The following TBC1D30 variants were observed in gnomAD, a reference collection of about 807,000 sequenced individuals.
TBC1D30 encodes the protein TBC1 domain family member 30, also known as TBC1 domain family, member 30.
TBC1D30 carries 31 observed loss-of-function variants against 63.2 expected under a neutral mutation model. The observed-to-expected ratio is 0.49, with a 90% CI of 0.37 to 0.66. The LOEUF is 0.66. Ranked by LOEUF, TBC1D30 falls within the 30% of genes least tolerant of loss-of-function variation. The pLI is 0.00. For synonymous variants in TBC1D30, 307 were observed against 361.5 expected (o/e 0.85, Z 1.71); for missense variants, 810 against 953.6 (o/e 0.85, Z 1.98).
intron 1 of TBC1D30, among the ~76,000 whole-genome samples, chr12:64,764,907 T>C (rs1337354392): frequency 1.3e-5 from 2 of 152,048 alleles, no homozygotes; most frequent in African/African-American, 4.8e-5. Flanking sequence ...CTCAGAGGGG[T>C]TGGGATGTTT....
At chr12:64,805,476 A>T (rs1267216346) in intron 2 of TBC1D30, among the ~76,000 whole-genome samples, 2 of 152,126 alleles carry the variant, frequency 1.3e-5, no homozygotes, top group Non-Finnish European at 2.9e-5. Flanking sequence ...GTTTTTCTGC[A>T]CATCATCCTG....
intron 6 of TBC1D30, among the ~76,000 whole-genome samples, chr12:64,838,017 ATATC>A (rs1875519443): frequency 6.6e-6 from 1 of 152,238 alleles, no homozygotes; most frequent in South Asian, 2.1e-4. Context: ...ATCAGTGTAA[ATATC>A]TAAATATTTA....
rs1454228363 is a variant in TBC1D30 at position 64,876,876 on chromosome 12, C to CACT, written c.*1090_*1092dup. 2.2e-6 allele frequency: 1 copy of CACT among 456,058 alleles called. No homozygotes were observed. Among genetic ancestry groups the CACT allele is most frequent in the Non-Finnish European group, 4.4e-6 (1 of 226,804 alleles). 28.3% of individuals were successfully genotyped at this position (456,058 alleles called of 1,614,324 possible). ...GGTCAGGGATAGCACCTCTTGTCTC[C>CACT]ACTATGCAGATGGGAACTCTGAGCC... On this transcript the variant is annotated 3_prime_UTR_variant, in exon 12 of 12. Coordinates refer to ENST00000539867, the MANE Select transcript of TBC1D30 (RefSeq NM_015279.2).
intron 7 of TBC1D30, 100 bp downstream of exon 7, chr12:64,838,951 G>A: frequency 8.5e-7 from 1 of 1,174,120 alleles, no homozygotes; most frequent in Middle Eastern, 2.0e-4. Flanking sequence ...AAATGAGAAA[G>A]TTGTGAACTT....
intron 11 of TBC1D30, among the ~76,000 whole-genome samples, chr12:64,874,064 C>T (rs1878858470): frequency 1.3e-5 from 2 of 152,190 alleles, no homozygotes; most frequent in Non-Finnish European, 2.9e-5. Flanking sequence ...ATGCCATCGA[C>T]AGTGCCTTCT....
intron 1 of TBC1D30, among the ~76,000 whole-genome samples, chr12:64,771,175 T>G (rs918331234): frequency 6.6e-6 from 1 of 151,792 alleles, no homozygotes; most frequent in Non-Finnish European, 1.5e-5. Flanking sequence ...CCCTTCTGCT[T>G]GGGCCATATA....
chr12:64,834,180 G>A (rs971432182), intron 5 of TBC1D30, among the ~76,000 whole-genome samples: 10 of 152,234 alleles, frequency 6.6e-5, no homozygotes, highest in Admixed American at 4.6e-4. Flanking sequence ...ATATGCAGAG[G>A]AAGGTTGGCT....
chr12:64,814,620 G>A (rs1306551697), intron 2 of TBC1D30, among the ~76,000 whole-genome samples: 1 of 152,136 alleles, frequency 6.6e-6, no homozygotes, highest in Non-Finnish European at 1.5e-5. Flanking sequence ...TGCTGGCACT[G>A]GGCCATACTG....
At chr12:64,854,718 C>T (rs887705252) in intron 8 of TBC1D30, among the ~76,000 whole-genome samples, 2 of 152,090 alleles carry the variant, frequency 1.3e-5, no homozygotes, top group African/African-American at 4.8e-5. Context: ...GATGGTCTCG[C>T]TCTCCTGACC....
intron 11 of TBC1D30, 86 bp from the exon 12 acceptor site, chr12:64,874,915 T>A (rs959849428): frequency 7.0e-6 from 9 of 1,291,274 alleles, no homozygotes; most frequent in Non-Finnish European, 9.5e-6. Flanking sequence ...TAGACGGGGC[T>A]GGGAGGACCT....
At chr12:64,865,701 CA>C (rs1054806374) in intron 9 of TBC1D30, among the ~76,000 whole-genome samples, 1 of 152,054 alleles carries the variant, frequency 6.6e-6, no homozygotes, top group Non-Finnish European at 1.5e-5. Flanking sequence ...AAAAAAATTA[CA>C]AAAATTAGCA....
chr12:64,871,271 G>C (rs1878637963), intron 11 of TBC1D30, among the ~76,000 whole-genome samples: 1 of 152,172 alleles, frequency 6.6e-6, no homozygotes, highest in African/African-American at 2.4e-5. Context: ...AAAAACCTGT[G>C]CCTTGCTGAT....
At chr12:64,838,556 A>T in intron 6 of TBC1D30, 127 bp from the exon 7 acceptor site, 1 of 940,254 alleles carries the variant, frequency 1.1e-6, no homozygotes, top group Non-Finnish European at 1.5e-6. Flanking sequence ...ACAAGAGTTT[A>T]GAAATATGAA....
chr12:64,811,766 A>G (rs532710957), intron 2 of TBC1D30, among the ~76,000 whole-genome samples: 2 of 152,236 alleles, frequency 1.3e-5, no homozygotes, highest in South Asian at 2.1e-4. Flanking sequence ...TGATATTTCT[A>G]CCAGTACCTT....
intron 8 of TBC1D30, among the ~76,000 whole-genome samples, chr12:64,863,427 C>T (rs1310736687): frequency 6.6e-6 from 1 of 152,198 alleles, no homozygotes; most frequent in African/African-American, 2.4e-5. Flanking sequence ...TGTTAGTAAA[C>T]CTGTACTCCT....
Position 64,838,697 on chromosome 12 carries a change from C to T in TBC1D30, c.778C>T (p.Pro260Ser). 1 of 1,536,520 alleles carries T rather than the reference C, an allele frequency of 6.5e-7. No homozygotes were observed. Among genetic ancestry groups the T allele is most frequent in the Non-Finnish European group, 8.7e-7 (1 of 1,147,000 alleles). Residue 260 changes from proline to serine, a missense_variant, in exon 7 of 12, where the codon CCA becomes TCA. By Grantham distance (74) the Pro-to-Ser change is moderately conservative. This residue lies in a region of TBC1D30 where 272 missense variants were observed against 335.9 expected (regional missense o/e 0.81). Coordinates refer to ENST00000539867, the MANE Select transcript of TBC1D30 (RefSeq NM_015279.2). ...TTTTATTTCAGGTGGATATGAGCCC[C>T]CACTTACAAATGTCTTCACGATGCA... is the stretch of plus-strand genomic sequence containing the variant. ...NKESGGGYEP[P>S]LTNVFTMQWF...
chr12:64,797,640 A>ACT (rs57748111), intron 2 of TBC1D30, among the ~76,000 whole-genome samples: 1 of 151,412 alleles, frequency 6.6e-6, no homozygotes, highest in Non-Finnish European at 1.5e-5. Flanking sequence ...GTCTGTTCAT[A>ACT]CTCTCTCTCT....
intron 2 of TBC1D30, among the ~76,000 whole-genome samples, chr12:64,819,404 TA>T (rs1873748922): frequency 3.0e-5 from 4 of 134,744 alleles, no homozygotes; most frequent in African/African-American, 8.6e-5. Context: ...TTGAAGGAAC[TA>T]CTTTTTTTTT....
At chr12:64,855,096 T>G (rs1877188581) in intron 8 of TBC1D30, among the ~76,000 whole-genome samples, 1 of 152,186 alleles carries the variant, frequency 6.6e-6, no homozygotes, top group African/African-American at 2.4e-5. Context: ...GGTAGAAGTT[T>G]TTTTTTCTTT....
Sources: gnomAD v4.1 joint callset for allele counts (sites outside exome capture counted in the v4.1 genomes callset) on GRCh38, gnomAD v4.1.1 for gene constraint, gnomAD v4.1.1 regional missense constraint, MANE v1.5 for transcripts, NCBI Gene and HGNC (gene_info 2026-07-23, HGNC 2026-07-21) for gene names.